Variants in C12orf42 observed in about 807,000 individuals in gnomAD.
C12orf42 encodes uncharacterized protein C12orf42.
Under a neutral mutation model 21.6 loss-of-function variants are expected in C12orf42, and 25 were observed. The ratio of observed to expected loss-of-function variants is 1.16; its 90% CI spans 0.84 to 1.62. The LOEUF (loss-of-function observed/expected upper bound fraction) is 1.62. C12orf42 is among the 40% of genes most tolerant of loss of function. C12orf42 has a pLI of 0.00. For synonymous variants in C12orf42, 174 were observed against 175.0 expected (o/e 0.99, Z 0.05); for missense variants, 483 against 459.3 (o/e 1.05, Z -0.47).
chr12:103,134,579 AAG>A, the C12orf42 span, among the ~76,000 whole-genome samples: 2 of 152,006 alleles, frequency 1.3e-5, no homozygotes, highest in Non-Finnish European at 2.9e-5. Context: ...ATAAAGAAAA[AAG>A]AATTAAGAAG....
At chr12:103,066,396 C>T in the C12orf42 span, among the ~76,000 whole-genome samples, 2 of 152,168 alleles carry the variant, frequency 1.3e-5, no homozygotes, top group South Asian at 4.1e-4. Flanking sequence ...TGCCACCCTG[C>T]CTTATCTCCC....
chr12:103,099,338 C>A, the C12orf42 span, among the ~76,000 whole-genome samples: 1 of 152,104 alleles, frequency 6.6e-6, no homozygotes. Context: ...TTTAGTCAAC[C>A]AAAAATTATC....
chr12:103,512,684 G>C, the C12orf42 span, among the ~76,000 whole-genome samples: 1 of 152,144 alleles, frequency 6.6e-6, no homozygotes, highest in African/African-American at 2.4e-5. Context: ...TTGCTGTTGT[G>C]GTGGTTAGGG....
chr12:103,374,083 C>A (rs1006985375), intron 3 of C12orf42, among the ~76,000 whole-genome samples: 2 of 152,226 alleles, frequency 1.3e-5, no homozygotes, highest in Non-Finnish European at 2.9e-5. Flanking sequence ...GGTCTGGAGA[C>A]AAATGATGTG....
At chr12:103,418,225 G>A (rs951829276) in intron 2 of C12orf42, among the ~76,000 whole-genome samples, 9 of 152,010 alleles carry the variant, frequency 5.9e-5, no homozygotes, top group East Asian at 1.9e-4. Flanking sequence ...AAAATTCAGG[G>A]TTTTGGAATT....
chr12:103,138,084 T>C, the C12orf42 span, among the ~76,000 whole-genome samples: 1 of 152,226 alleles, frequency 6.6e-6, no homozygotes, highest in Non-Finnish European at 1.5e-5. Flanking sequence ...CCCAAAACCC[T>C]GACTTGATCA....
intron 2 of C12orf42, among the ~76,000 whole-genome samples, chr12:103,431,818 G>A (rs1402955796): frequency 6.6e-6 from 1 of 152,188 alleles, no homozygotes; most frequent in Non-Finnish European, 1.5e-5. Context: ...CAGTGAATCT[G>A]TACAGGTCTG....
At chr12:103,138,983 T>G in the C12orf42 span, among the ~76,000 whole-genome samples, 5 of 152,232 alleles carry the variant, frequency 3.3e-5, no homozygotes, top group Non-Finnish European at 5.9e-5. Flanking sequence ...CTCGATGGTG[T>G]CATATAAGTT....
At chr12:103,353,436 C>T (rs1404721369) in intron 4 of C12orf42, among the ~76,000 whole-genome samples, 2 of 152,072 alleles carry the variant, frequency 1.3e-5, no homozygotes, top group African/African-American at 4.8e-5. Flanking sequence ...TTTTGATCCA[C>T]ATGGATTAGG....
the C12orf42 span, among the ~76,000 whole-genome samples, chr12:103,186,258 G>C: frequency 6.6e-6 from 1 of 152,130 alleles, no homozygotes; most frequent in Non-Finnish European, 1.5e-5. Flanking sequence ...AAAGAAGTTC[G>C]TAGGGTTCCA....
intron 2 of C12orf42, among the ~76,000 whole-genome samples, chr12:103,411,186 T>C (rs978933855): frequency 6.6e-6 from 1 of 152,226 alleles, no homozygotes; most frequent in Non-Finnish European, 1.5e-5. Flanking sequence ...CAAGCTAATA[T>C]GCAGCTAATT....
intron 10 of C12orf42, among the ~76,000 whole-genome samples, chr12:103,255,640 T>G (rs1035046022): frequency 6.6e-5 from 10 of 152,140 alleles, no homozygotes; most frequent in Admixed American, 2.6e-4. Flanking sequence ...TAAGGACCAT[T>G]TAGTCTAAAA....
chr12:103,066,313 G>A, the C12orf42 span, among the ~76,000 whole-genome samples: 1 of 152,148 alleles, frequency 6.6e-6, no homozygotes, highest in Non-Finnish European at 1.5e-5. Flanking sequence ...ACACGTGACT[G>A]GGCTGGAGCA....
At chr12:103,533,699 G>C in the C12orf42 span, among the ~76,000 whole-genome samples, 2 of 152,334 alleles carry the variant, frequency 1.3e-5, no homozygotes, top group African/African-American at 4.8e-5. Flanking sequence ...TGATTTTGGT[G>C]ATTCACACAA....
chr12:103,477,799 G>A (rs532737406), intron 2 of C12orf42: 8 of 152,840 alleles, frequency 5.2e-5, no homozygotes, highest in African/African-American at 1.7e-4. Context: ...AGTGAGCCCT[G>A]TTTCAGACTT....
the C12orf42 span, among the ~76,000 whole-genome samples, chr12:103,208,386 G>T: frequency 6.6e-6 from 1 of 152,034 alleles, no homozygotes; most frequent in Non-Finnish European, 1.5e-5. Context: ...GACACAGGTT[G>T]CTTTCTTTGG....
the C12orf42 span, among the ~76,000 whole-genome samples, chr12:103,177,193 A>C: frequency 6.6e-6 from 1 of 152,188 alleles, no homozygotes; most frequent in Non-Finnish European, 1.5e-5. Flanking sequence ...CCAAGAGGAA[A>C]ACAAATAAGA....
chr12:103,147,623 C>CTT, the C12orf42 span, among the ~76,000 whole-genome samples: 484 of 99,194 alleles, frequency 4.9e-3, 13 homozygotes, highest in South Asian at 0.016. Flanking sequence ...TTCTCTCTCT[C>CTT]TTTTTTTTTT....
the C12orf42 span, among the ~76,000 whole-genome samples, chr12:103,528,446 G>T: frequency 6.6e-6 from 1 of 152,146 alleles, no homozygotes; most frequent in African/African-American, 2.4e-5. Context: ...GTTGGAGGTG[G>T]GGCCTATTGG....
Sources: allele counts gnomAD v4.1 joint callset (sites outside exome capture counted in the v4.1 genomes callset), GRCh38; gene constraint gnomAD v4.1.1; transcripts MANE v1.5; gene names NCBI Gene and HGNC (gene_info 2026-07-23, HGNC 2026-07-21).